Variants in VRK1 observed in about 807,000 individuals in gnomAD.
VRK1 encodes the protein VRK serine/threonine kinase 1.
In VRK1, 33 loss-of-function variants were observed where a neutral mutation model predicts 57.1. That is an observed-to-expected ratio of 0.58 (90% CI 0.44 to 0.77). VRK1 has a LOEUF of 0.77. Ranked by LOEUF, VRK1 falls within the 30% of genes least tolerant of loss-of-function variation. VRK1 has a pLI of 0.00. For synonymous variants in VRK1, 137 were observed against 147.8 expected (o/e 0.93, Z 0.53); for missense variants, 413 against 477.3 (o/e 0.87, Z 1.25).
At chr14:96,846,863 A>G (rs915301387) in intron 4 of VRK1, among the ~76,000 whole-genome samples, 2 of 151,950 alleles carry the variant, frequency 1.3e-5, no homozygotes, top group African/African-American at 2.4e-5. Flanking sequence ...ATATAAGAGG[A>G]TGTGTGGAGG....
At chr14:96,803,168 A>ATTT (rs747521306) in intron 1 of VRK1, among the ~76,000 whole-genome samples, 2 of 127,920 alleles carry the variant, frequency 1.6e-5, no homozygotes, top group East Asian at 2.3e-4. Flanking sequence ...TGATGCTGGC[A>ATTT]TTTTTTTTTT....
At chr14:96,830,931 C>A (rs1886979573) in intron 1 of VRK1, among the ~76,000 whole-genome samples, 1 of 152,194 alleles carries the variant, frequency 6.6e-6, no homozygotes, top group Admixed American at 6.5e-5. Context: ...GCAGTTTCTC[C>A]TCAGCCTGAG....
intron 1 of VRK1, among the ~76,000 whole-genome samples, chr14:96,807,525 C>T (rs1481618540): frequency 1.3e-5 from 2 of 152,232 alleles, no homozygotes; most frequent in Non-Finnish European, 2.9e-5. Context: ...TGGCTTGATA[C>T]GTGAGAAATA....
At chr14:96,862,541 G>T (rs1888431291) in intron 11 of VRK1, among the ~76,000 whole-genome samples, 1 of 144,348 alleles carries the variant, frequency 6.9e-6, no homozygotes. Context: ...TGAAAGAACT[G>T]GACCAGACCA....
At chr14:96,831,329 T>C (rs150802312) in intron 1 of VRK1, among the ~76,000 whole-genome samples, 13 of 152,296 alleles carry the variant, frequency 8.5e-5, no homozygotes, top group Admixed American at 8.5e-4. Context: ...AGTTGTCCTG[T>C]CCAGTTTTAT....
At chr14:96,830,542 G>A (rs1886963889) in intron 1 of VRK1, among the ~76,000 whole-genome samples, 1 of 151,968 alleles carries the variant, frequency 6.6e-6, no homozygotes, top group Non-Finnish European at 1.5e-5. Context: ...TCTGATTGAT[G>A]TTAGTCTGTA....
At chr14:96,850,572 T>C (rs1887908689) in intron 5 of VRK1, among the ~76,000 whole-genome samples, 1 of 152,208 alleles carries the variant, frequency 6.6e-6, no homozygotes, top group African/African-American at 2.4e-5. Flanking sequence ...TTATTAAGAG[T>C]AGTGGTAGGG....
At position 96,867,123 on chromosome 14, in the gene VRK1, A is replaced by T. The variant is rs78164442; in HGVS notation, c.1068+6388A>T. 9.5e-3 allele frequency among the ~76,000 whole-genome samples: 1,443 copies of T among 152,164 alleles called. 20 individuals are homozygous for T. The highest frequency in any genetic ancestry group is 0.033 in the African/African-American group (1,370 of 41,522). On this transcript the variant is annotated intron_variant, in intron 11 of 12. Transcript: ENST00000216639. ...TACTATGTATTATTTTTTAGAGTTA[A>T]TCATGAGTCTAACGTATTTTGTGTT...
At chr14:96,811,127 C>T (rs11623334) in intron 1 of VRK1, among the ~76,000 whole-genome samples, 405 of 152,136 alleles carry the variant, frequency 2.7e-3, no homozygotes, top group Middle Eastern at 6.8e-3. Context: ...GATGGGATCT[C>T]ACCATGTTGG....
intron 1 of VRK1, among the ~76,000 whole-genome samples, chr14:96,808,496 C>G (rs553853404): frequency 1.7e-4 from 26 of 152,250 alleles, no homozygotes; most frequent in Admixed American, 1.1e-3. Context: ...CACTACTACC[C>G]AGATCAAGAT....
At chr14:96,879,914 G>A (rs948897909) in intron 12 of VRK1, among the ~76,000 whole-genome samples, 1 of 148,460 alleles carries the variant, frequency 6.7e-6, no homozygotes, top group Non-Finnish European at 1.5e-5. Context: ...GCAACAAAGC[G>A]AGACTCCCTC....
chr14:96,832,569 A>G (rs1887048970), intron 1 of VRK1, among the ~76,000 whole-genome samples: 1 of 152,082 alleles, frequency 6.6e-6, no homozygotes, highest in African/African-American at 2.4e-5. Context: ...AGATTACCCA[A>G]CCAGCTGGTG....
At chr14:96,837,606 T>C (rs1183223621) in intron 2 of VRK1, among the ~76,000 whole-genome samples, 156 bp from the exon 3 acceptor site, 1 of 152,174 alleles carries the variant, frequency 6.6e-6, no homozygotes, top group African/African-American at 2.4e-5. Flanking sequence ...TGAATAAAAG[T>C]CTTAAAATTT....
Position 96,856,213 on chromosome 14 carries a change from T to C in VRK1, c.793T>C (p.Leu265=). 6.2e-7 allele frequency: 1 copy of C among 1,613,704 alleles called. No homozygotes were observed. Among genetic ancestry groups the C allele is most frequent in the Non-Finnish European group, 8.5e-7 (1 of 1,179,790 alleles). The change falls in exon 9 of 13, where the codon TTG becomes CTG. Residue 265 remains leucine, a synonymous_variant. Coordinates refer to ENST00000216639, the MANE Select transcript of VRK1 (RefSeq NM_003384.3). The stretch of plus-strand genomic sequence containing the variant: ...TGGCCATCTTCCTTGGGAGGATAAT[T>C]TGAAAGATCCTAAATATGTTAGAGA... The part of the protein sequence containing the change: ...LTGHLPWEDN[L]KDPKYVRDSK...
At chr14:96,831,600 T>A (rs1017938899) in intron 1 of VRK1, among the ~76,000 whole-genome samples, 45 of 152,194 alleles carry the variant, frequency 3.0e-4, no homozygotes, top group African/African-American at 1.1e-3. Flanking sequence ...TTGACCACAA[T>A]TTACATTGAA....
intron 3 of VRK1, among the ~76,000 whole-genome samples, chr14:96,844,831 G>A (rs1887613788): frequency 6.6e-6 from 1 of 152,168 alleles, no homozygotes; most frequent in African/African-American, 2.4e-5. Context: ...ACAGGCATGA[G>A]CCACTATGCC....
chr14:96,847,119 G>A (rs1279808724), intron 4 of VRK1, 138 bp from the exon 5 acceptor site: 1 of 673,822 alleles, frequency 1.5e-6, no homozygotes, highest in East Asian at 2.8e-5. Flanking sequence ...TCGTTATACT[G>A]TATTCTTCAT....
intron 3 of VRK1, among the ~76,000 whole-genome samples, chr14:96,844,876 T>C (rs74982925): frequency 0.083 from 12,688 of 152,256 alleles, 694 homozygotes; most frequent in Non-Finnish European, 0.13. Flanking sequence ...TGGGGATTCC[T>C]ATTTTCTGAA....
At chr14:96,818,472 T>G (rs1398758551) in intron 1 of VRK1, among the ~76,000 whole-genome samples, 2 of 152,190 alleles carry the variant, frequency 1.3e-5, no homozygotes, top group Non-Finnish European at 2.9e-5. Context: ...CCAGCTTAGG[T>G]GTGAAAACAT....
Sources: gnomAD v4.1 joint callset for allele counts (sites outside exome capture counted in the v4.1 genomes callset) on GRCh38, gnomAD v4.1.1 for gene constraint, MANE v1.5 for transcripts, NCBI Gene and HGNC (gene_info 2026-07-23, HGNC 2026-07-21) for gene names.